GRID1: variants seen among roughly 807,000 people sequenced by gnomAD.
The protein encoded by GRID1 is glutamate receptor ionotropic, delta-1.
GRID1 carries 28 observed loss-of-function variants against 98.0 expected under a neutral mutation model. The observed-to-expected ratio is 0.29, with a 90% CI of 0.21 to 0.39. GRID1 has a LOEUF of 0.39. GRID1 is among the 10% of genes least tolerant of loss of function. The pLI is 1.00. For missense variants in GRID1, 1,111 were observed against 1,340.5 expected (o/e 0.83, Z 2.67); for synonymous variants, 553 against 538.5 (o/e 1.03, Z -0.37).
chr10:85,698,324 C>T (rs1205448936), intron 12 of GRID1, among the ~76,000 whole-genome samples: 1 of 152,182 alleles, frequency 6.6e-6, no homozygotes, highest in East Asian at 1.9e-4. Flanking sequence ...ACTGATTTAT[C>T]CACAGTAGCC....
At chr10:85,722,298 A>C (rs916857650) in intron 12 of GRID1, among the ~76,000 whole-genome samples, 1 of 152,222 alleles carries the variant, frequency 6.6e-6, no homozygotes, top group Admixed American at 6.5e-5. Flanking sequence ...TATTGAAGCC[A>C]ATATTGTACC....
intron 8 of GRID1, among the ~76,000 whole-genome samples, chr10:85,797,166 T>G (rs1451664823): frequency 3.3e-5 from 5 of 152,202 alleles, no homozygotes; most frequent in Non-Finnish European, 7.3e-5. Flanking sequence ...TTCTTATTAT[T>G]GAAAAAGAGT....
chr10:85,901,380 G>A lies in GRID1; in HGVS notation c.780+14806C>T, dbSNP rs1415802113. 2.0e-5 allele frequency among the ~76,000 whole-genome samples: 3 copies of A among 152,142 alleles called. No individual in the cohort carries two copies. In the East Asian group the frequency reaches 5.8e-4, roughly 29 times the overall value. On this transcript the variant is annotated intron_variant, in intron 5 of 15. Transcript: ENST00000327946. ...TCCCACCTCAGCCTCCCGAGTAGCT[G>A]GGACTACAGGTGCCCGCCACCATGC...
At chr10:85,835,070 A>G (rs1842901224) in intron 8 of GRID1, among the ~76,000 whole-genome samples, 1 of 152,226 alleles carries the variant, frequency 6.6e-6, no homozygotes. Context: ...AATAAAATCA[A>G]CAGAGATAAA....
In GRID1 at chr10:85,663,117, T is replaced by C. The variant is rs556864337; in HGVS notation, c.1998-15720A>G. 4.6e-5 allele frequency among the ~76,000 whole-genome samples: 7 copies of C among 152,262 alleles called. No homozygotes were observed. The South Asian group carries it at 1.5e-3, about 32-fold the overall frequency. ...TTCAAGACATTTCCCCTGTGATGGG[T>C]TGGAATGCATCCCCCCAAAGTAAAT... On this transcript the variant is annotated intron_variant, in intron 12 of 15. Coordinates refer to ENST00000327946, the MANE Select transcript of GRID1 (RefSeq NM_017551.3).
intron 4 of GRID1, among the ~76,000 whole-genome samples, chr10:85,938,246 T>C (rs1482665508): frequency 2.0e-5 from 3 of 152,160 alleles, no homozygotes; most frequent in Non-Finnish European, 4.4e-5. Context: ...GGACATATTT[T>C]CTATAAGTAA....
At chr10:86,120,317 C>CT (rs1398785472) in intron 4 of GRID1, among the ~76,000 whole-genome samples, 1 of 152,210 alleles carries the variant, frequency 6.6e-6, no homozygotes, top group Non-Finnish European at 1.5e-5. Context: ...CTTGCCTATC[C>CT]TTTAAGACTC....
chr10:86,206,482 G>A lies in GRID1; in HGVS notation c.402C>T (p.Pro134=), dbSNP rs185269061. Reference sequence around the variant, plus strand: ...AAGCCAGTGTGTAGGCCTCACCATCGGGGCTGGGGTTCAGGTGGCATGCGG... The same window carrying A: ...AAGCCAGTGTGTAGGCCTCACCATCAGGGCTGGGGTTCAGGTGGCATGCGG... ...PRTACHLNPS[P]DGEAYTLASR... The change falls in exon 3 of 16, where the codon CCC becomes CCT. Residue 134 remains proline (P), a synonymous_variant. Coordinates refer to ENST00000327946, the MANE Select transcript of GRID1 (RefSeq NM_017551.3). The surrounding 1 kb of genome is among the most constrained non-coding windows in gnomAD (Gnocchi z 4.1). 46 of 1,614,220 alleles carry A rather than the reference G, an allele frequency of 2.8e-5. No individual in the cohort carries two copies. The highest frequency in any genetic ancestry group is 2.2e-4 in the East Asian group (10 of 44,884).
intron 3 of GRID1, among the ~76,000 whole-genome samples, chr10:86,160,658 G>A (rs1845307742): frequency 6.6e-6 from 1 of 152,208 alleles, no homozygotes; most frequent in South Asian, 2.1e-4. Context: ...TAGGAAGAAG[G>A]CCACAGCATG....
chr10:86,199,820 G>A (rs947437900), intron 3 of GRID1, among the ~76,000 whole-genome samples: 2 of 152,092 alleles, frequency 1.3e-5, no homozygotes, highest in East Asian at 1.9e-4. Flanking sequence ...TGTTTGCAGA[G>A]AATGACTTCA....
intron 13 of GRID1, among the ~76,000 whole-genome samples, chr10:85,642,966 C>T (rs552393649): frequency 1.2e-4 from 18 of 152,186 alleles, no homozygotes; most frequent in Non-Finnish European, 1.5e-4. Flanking sequence ...ATCTCAGAGG[C>T]GAGCCAACCA....
rs1845853093 is a variant in GRID1 at position 86,195,014 on chromosome 10, G to C, written c.520+11350C>G. Among the ~76,000 whole-genome samples the C allele has an allele frequency of 6.6e-6, 1 of 152,044 alleles. No individual in the cohort carries two copies. On this transcript the variant is annotated intron_variant, in intron 3 of 15. Coordinates refer to ENST00000327946, the MANE Select transcript of GRID1 (RefSeq NM_017551.3). This position sits in a 1 kb window ranked among gnomAD's most constrained non-coding sequence, Gnocchi z 4.4. Reference sequence around the variant, plus strand: ...TTGTCCAACAGAACTAAACTGAATGGACACATGAAGCCTCACTCCGTGGGC... The same window carrying C: ...TTGTCCAACAGAACTAAACTGAATGCACACATGAAGCCTCACTCCGTGGGC...
In GRID1 at chr10:86,116,355, C is replaced by G. The variant is rs142692184; in HGVS notation, c.726+22464G>C. Among the ~76,000 whole-genome samples, 276 of 152,276 alleles carry G rather than the reference C, an allele frequency of 1.8e-3. 3 individuals are homozygous for G. The highest frequency in any genetic ancestry group is 6.3e-3 in the African/African-American group (260 of 41,542). ...CCAAGGCACATCTGCAATGCCTCTACCCCTAGAATCTGTCAGGCACATACT... is the reference window on the plus strand; with the variant it reads ...CCAAGGCACATCTGCAATGCCTCTAGCCCTAGAATCTGTCAGGCACATACT... On this transcript the variant is annotated intron_variant, in intron 4 of 15. Transcript: ENST00000327946.
intron 6 of GRID1, among the ~76,000 whole-genome samples, chr10:85,860,661 T>C (rs1007167926): frequency 1.3e-5 from 2 of 152,210 alleles, no homozygotes; most frequent in African/African-American, 4.8e-5. Context: ...AGTGGTCTAA[T>C]AGGAACAGCA....
At chr10:85,839,666 G>A (rs1842944615) in intron 8 of GRID1, among the ~76,000 whole-genome samples, 1 of 152,098 alleles carries the variant, frequency 6.6e-6, no homozygotes, top group African/African-American at 2.4e-5. Flanking sequence ...ACATGAAAAG[G>A]TTAGAAAGAT....
At chr10:86,251,205 C>T (rs1027174249) in intron 2 of GRID1, among the ~76,000 whole-genome samples, 1 of 152,030 alleles carries the variant, frequency 6.6e-6, no homozygotes, top group Non-Finnish European at 1.5e-5. Flanking sequence ...ACAATCACTG[C>T]GGAAGGAAGG....
rs568706467 is a variant in GRID1, at chr10:86,349,506, G to A, written c.235+14435C>T. Reference sequence around the variant, plus strand: ...GAGTGTTGGAAACATCTCCAGCGTGGTTCTCCCCTTTGCACATGGCCTTGG... The same window carrying A: ...GAGTGTTGGAAACATCTCCAGCGTGATTCTCCCCTTTGCACATGGCCTTGG... On this transcript the variant is annotated intron_variant, in intron 2 of 15. Transcript: ENST00000327946. Among the ~76,000 whole-genome samples the A allele has an allele frequency of 5.3e-5, 8 of 152,316 alleles. No homozygotes were observed. The South Asian group carries it at 1.7e-3, about 32-fold the overall frequency.
chr10:85,959,522 G>A (rs1286381819), intron 4 of GRID1, among the ~76,000 whole-genome samples: 1 of 152,144 alleles, frequency 6.6e-6, no homozygotes, highest in Admixed American at 6.6e-5. Context: ...TGCACTGCCA[G>A]CCAGTCTCCC....
intron 3 of GRID1, among the ~76,000 whole-genome samples, chr10:86,160,492 A>G (rs991084021): frequency 6.6e-6 from 1 of 152,238 alleles, no homozygotes; most frequent in Non-Finnish European, 1.5e-5. Context: ...TCTGGCATTC[A>G]GAGTGGAGGG....
Sources: gnomAD v4.1 joint callset for allele counts (sites outside exome capture counted in the v4.1 genomes callset) on GRCh38, gnomAD v4.1.1 for gene constraint, Gnocchi (gnomAD v3.1) non-coding constraint, MANE v1.5 for transcripts, NCBI Gene and HGNC (gene_info 2026-07-23, HGNC 2026-07-21) for gene names.